KIF13A: variants seen among roughly 807,000 people sequenced by gnomAD.
KIF13A encodes kinesin-like protein KIF13A.
KIF13A carries 79 observed loss-of-function variants against 212.2 expected under a neutral mutation model. The observed-to-expected ratio is 0.37, with a 90% CI of 0.31 to 0.45. The LOEUF is 0.45. Ranked by LOEUF, KIF13A falls within the 20% of genes least tolerant of loss-of-function variation. KIF13A has a pLI of 1.00. For synonymous variants in KIF13A, 789 were observed against 808.6 expected (o/e 0.98, Z 0.41); for missense variants, 1,901 against 2,209.0 (o/e 0.86, Z 2.79).
intron 38 of KIF13A, among the ~76,000 whole-genome samples, chr6:17,767,376 TC>T (rs1355723939): frequency 6.6e-6 from 1 of 152,032 alleles, no homozygotes; most frequent in East Asian, 1.9e-4. Flanking sequence ...TGCTTCAGCC[TC>T]CCAAGTAGCT....
At chr6:17,836,220 C>T (rs1263785316) in intron 11 of KIF13A, among the ~76,000 whole-genome samples, 2 of 152,156 alleles carry the variant, frequency 1.3e-5, no homozygotes, top group Non-Finnish European at 2.9e-5. Flanking sequence ...TGAATTATTC[C>T]TAATGTTTAA....
At chr6:17,981,156 A>G (rs1007564392) in intron 2 of KIF13A, among the ~76,000 whole-genome samples, 2 of 152,086 alleles carry the variant, frequency 1.3e-5, no homozygotes, top group African/African-American at 2.4e-5. Flanking sequence ...TGTTTTTCAA[A>G]ATATAAGTTT....
rs549207574 is a variant in KIF13A at position 17,830,415 on chromosome 6, C to T, written c.1401+686G>A. On this transcript the variant is annotated intron_variant, in intron 13 of 38. Coordinates refer to ENST00000259711, the MANE Select transcript of KIF13A (RefSeq NM_022113.6). ...GTCTTAGGGTCCAATACAGTAAACA[C>T]GGATATAACCCAGACACATGAAAGT... Among the ~76,000 whole-genome samples the T allele has an allele frequency of 6.6e-4, 101 of 152,204 alleles. 1 individual carries two copies. Among genetic ancestry groups the T allele is most frequent in the African/African-American group, 2.0e-3 (82 of 41,546 alleles).
chr6:17,874,103 C>T (rs1279536397), intron 3 of KIF13A, among the ~76,000 whole-genome samples: 2 of 152,088 alleles, frequency 1.3e-5, no homozygotes, highest in Non-Finnish European at 2.9e-5. Context: ...CCTTCCAGGT[C>T]GATCTCCCTC....
At chr6:17,927,138 CAAA>C (rs71002286) in intron 2 of KIF13A, among the ~76,000 whole-genome samples, 10 of 143,866 alleles carry the variant, frequency 7.0e-5, no homozygotes, top group Admixed American at 1.4e-4. Context: ...GACTCTGTCT[CAAA>C]AAAAAAAAAA....
chr6:17,911,583 T>C (rs1333799396), intron 2 of KIF13A, among the ~76,000 whole-genome samples: 1 of 151,874 alleles, frequency 6.6e-6, no homozygotes, highest in Non-Finnish European at 1.5e-5. Context: ...CACTTATTTG[T>C]GGGATCTAAA....
Position 17,769,213 on chromosome 6 carries a change from GA to G in KIF13A, c.4581+1900del, listed in dbSNP as rs1759283772. Among the ~76,000 whole-genome samples the G allele has an allele frequency of 6.6e-6, 1 of 152,136 alleles. No individual in the cohort carries two copies. Among genetic ancestry groups the G allele is most frequent in the South Asian group, 2.1e-4 (1 of 4,826 alleles). On this transcript the variant is annotated intron_variant, in intron 38 of 38. Coordinates refer to ENST00000259711, the MANE Select transcript of KIF13A (RefSeq NM_022113.6). The surrounding 1 kb of genome is among the most constrained non-coding windows in gnomAD (Gnocchi z 5.8). ...AAACAAAATTAAAGTTTCCCAAAGA[GA>G]AACAAGAACCTCAGGTCAAACAAAT...
chr6:17,780,809 G>A lies in KIF13A; in HGVS notation c.3767C>T (p.Thr1256Ile), dbSNP rs1760497501. 6.8e-6 allele frequency: 11 copies of A among 1,613,910 alleles called. No homozygotes were observed. Among genetic ancestry groups the A allele is most frequent in the East Asian group, 4.5e-5 (2 of 44,878 alleles). The change falls in exon 31 of 39, where the codon ACC becomes ATC. Residue 1256 changes from threonine (T) to isoleucine (I), a missense_variant. Transcript: ENST00000259711. ...AGCAGGGTGGCTGAGTTGAACTGTGGTTTTCACAATTAGGTAAATCCTTTC... is the reference window on the plus strand; with the variant it reads ...AGCAGGGTGGCTGAGTTGAACTGTGATTTTCACAATTAGGTAAATCCTTTC... ...QNERIYLIVK[T>I]TVQLSHPAAM...
intron 20 of KIF13A, among the ~76,000 whole-genome samples, chr6:17,801,779 C>G (rs1236054639): frequency 6.6e-6 from 1 of 152,042 alleles, no homozygotes; most frequent in African/African-American, 2.4e-5. Context: ...TGAAGGAGGG[C>G]TCCATAAAGC....
chr6:17,981,642 T>G (rs1414776075), intron 2 of KIF13A, among the ~76,000 whole-genome samples: 2 of 152,048 alleles, frequency 1.3e-5, no homozygotes, highest in African/African-American at 4.8e-5. Context: ...CAGGATGATA[T>G]CGATCTCCTG....
rs1265381064 is a variant in KIF13A, at chr6:17,764,847, T to C, written c.4681A>G (p.Asn1561Asp). 6.2e-7 allele frequency: 1 copy of C among 1,613,932 alleles called. No individual in the cohort carries two copies. The highest frequency in any genetic ancestry group is 8.5e-7 in the Non-Finnish European group (1 of 1,179,834). ...CATTCCCTGTTCTCCAAGCTGGCAT[T>C]GTAAACACTGAAGTCAGCAAACTCC... is the stretch of plus-strand genomic sequence containing the variant. ...PVEFADFSVY[N>D]ASLENREWFS... is the part of the protein sequence containing the mutation. The change falls in exon 39 of 39, where the codon AAT (asparagine) becomes GAT (aspartate). Residue 1561 changes from asparagine (N) to aspartate (D), a missense_variant. Physicochemically the swap from Asn to Asp is conservative, Grantham distance 23. Around this residue, in one of 5 missense-constraint regions of KIF13A, gnomAD observed 687 missense variants for 759.1 expected, o/e 0.90. Transcript: ENST00000259711. The surrounding 1 kb of genome is among the most constrained non-coding windows in gnomAD (Gnocchi z 5.1).
chr6:17,808,785 G>C lies in KIF13A; in HGVS notation c.2146C>G (p.Leu716Val). The C allele has an allele frequency of 6.2e-7, 1 of 1,613,254 alleles. No individual in the cohort carries two copies. The highest frequency in any genetic ancestry group is 8.5e-7 in the Non-Finnish European group (1 of 1,179,596). The change falls in exon 18 of 39, where the codon CTC (leucine) becomes GTC (valine). Residue 716 changes from leucine (L) to valine (V), a missense_variant. By Grantham distance (32) the Leu-to-Val change is conservative (BLOSUM62 1). Around this residue, in one of 5 missense-constraint regions of KIF13A, gnomAD observed 534 missense variants for 536.9 expected, o/e 0.99. Coordinates refer to ENST00000259711, the MANE Select transcript of KIF13A (RefSeq NM_022113.6). ...QVTLQIPAANLSANRKRGAIV... is the reference protein window; with the variant it reads ...QVTLQIPAANVSANRKRGAIV... ...ATTCTTACCTTCCTATTGGCACTGAGGTTTGCAGCAGGGATCTGAAGAGTC... is the reference window on the plus strand; with the variant it reads ...ATTCTTACCTTCCTATTGGCACTGACGTTTGCAGCAGGGATCTGAAGAGTC...
chr6:17,885,656 C>T (rs1771475413), intron 3 of KIF13A, among the ~76,000 whole-genome samples: 1 of 152,222 alleles, frequency 6.6e-6, no homozygotes, highest in Admixed American at 6.5e-5. Flanking sequence ...AGAGCTAATT[C>T]ATGCTTTCAT....
At chr6:17,760,766 G>GC, downstream of KIF13A, 1 of 1,334,586 alleles carries the variant, frequency 7.5e-7, no homozygotes, top group Non-Finnish European at 1.1e-6. Flanking sequence ...CCAGGCGGCA[G>GC]CATGTTTTAG....
intron 2 of KIF13A, among the ~76,000 whole-genome samples, chr6:17,931,974 G>T (rs1324193674): frequency 6.6e-6 from 1 of 151,774 alleles, no homozygotes; most frequent in African/African-American, 2.4e-5. Flanking sequence ...CCAAACTGTG[G>T]TCCCCAGACT....
intron 3 of KIF13A, among the ~76,000 whole-genome samples, chr6:17,874,504 C>T (rs914523692): frequency 1.6e-4 from 25 of 151,916 alleles, no homozygotes; most frequent in African/African-American, 4.8e-4. Flanking sequence ...GGTGCGATCT[C>T]GGCTCACCGC....
At chr6:17,964,805 T>A (rs1220880987) in intron 2 of KIF13A, among the ~76,000 whole-genome samples, 1 of 151,616 alleles carries the variant, frequency 6.6e-6, no homozygotes, top group Non-Finnish European at 1.5e-5. Flanking sequence ...TTTAGAATTC[T>A]GAAAGTTTTG....
downstream of KIF13A, chr6:17,760,843 G>A: frequency 1.9e-6 from 3 of 1,613,530 alleles, no homozygotes; most frequent in Non-Finnish European, 2.5e-6. Context: ...CCTGAGGAGG[G>A]GTGCTTGCTG....
chr6:17,851,675 T>C (rs776524952), intron 7 of KIF13A, among the ~76,000 whole-genome samples: 5 of 152,336 alleles, frequency 3.3e-5, no homozygotes, highest in Non-Finnish European at 4.4e-5. Context: ...ACTGGCATCA[T>C]TGGGAGAACA....
Sources: gnomAD v4.1 joint callset for allele counts (sites outside exome capture counted in the v4.1 genomes callset) on GRCh38, gnomAD v4.1.1 for gene constraint, gnomAD v4.1.1 regional missense constraint, Gnocchi (gnomAD v3.1) non-coding constraint, MANE v1.5 for transcripts, NCBI Gene and HGNC (gene_info 2026-07-23, HGNC 2026-07-21) for gene names.